Variants in AJAP1 observed in about 807,000 individuals in gnomAD.
AJAP1 encodes adherens junction-associated protein 1.
AJAP1 carries 5 observed loss-of-function variants against 35.0 expected under a neutral mutation model. That is an observed-to-expected ratio of 0.14 (90% CI 0.07 to 0.30). AJAP1 has a LOEUF of 0.30. Among genes scored for constraint, AJAP1 ranks in the 10% least tolerant of loss-of-function variants. AJAP1 has a pLI of 1.00. For missense variants in AJAP1, 586 were observed against 571.0 expected (o/e 1.03, Z -0.27); for synonymous variants, 284 against 249.3 (o/e 1.14, Z -1.31).
At chr1:4,717,043 G>C (rs1640408668) in intron 2 of AJAP1, among the ~76,000 whole-genome samples, 1 of 152,222 alleles carries the variant, frequency 6.6e-6, no homozygotes, top group South Asian at 2.1e-4. Flanking sequence ...CTTGAGGTTG[G>C]GGAGGAGGCT....
At chr1:4,758,400 A>G (rs1267500421) in intron 2 of AJAP1, among the ~76,000 whole-genome samples, 1 of 152,204 alleles carries the variant, frequency 6.6e-6, no homozygotes, top group Non-Finnish European at 1.5e-5. Flanking sequence ...TCATCAACTC[A>G]CAGTTCTGCA....
chr1:4,681,826 C>T (rs745806944), intron 1 of AJAP1, among the ~76,000 whole-genome samples: 5 of 152,220 alleles, frequency 3.3e-5, no homozygotes, highest in South Asian at 2.1e-4. Context: ...TGAACTTGGG[C>T]GATTCACTCA....
chr1:4,786,886 G>T lies in AJAP1; in HGVS notation c.*4401G>T, dbSNP rs1044024830. 6.6e-6 allele frequency: 1 copy of T among 152,184 alleles called. No individual in the cohort carries two copies. The highest frequency in any genetic ancestry group is 1.5e-5 in the Non-Finnish European group (1 of 68,046). The allele number at this position is 152,184 out of a possible 1,614,324, so 9.4% of individuals were successfully genotyped here. On this transcript the variant is annotated 3_prime_UTR_variant, in exon 6 of 6. Coordinates refer to ENST00000378191, the MANE Select transcript of AJAP1 (RefSeq NM_018836.4). ...CACCATCACCCTCTTTCATCAAGGT[G>T]ATCTCTTTCATCAGGGCATATATGA...
intron 2 of AJAP1, 49 bp from the exon 3 acceptor site, chr1:4,769,804 C>T (rs1188914149): frequency 6.5e-7 from 1 of 1,541,172 alleles, no homozygotes. Context: ...CCCCTCGCCT[C>T]CTGAACCTGG....
In AJAP1 at chr1:4,655,590, G is replaced by A; in HGVS notation, c.29+136G>A. 8.9e-7 allele frequency: 1 copy of A among 1,127,888 alleles called. No individual in the cohort carries two copies. The highest frequency in any genetic ancestry group is 1.8e-5 in the South Asian group (1 of 55,184). 69.9% of individuals were successfully genotyped at this position (1,127,888 alleles called of 1,614,324 possible). ...AAGCGGGCAACGGGGTGCACCGGTA[G>A]CCGGAAAGGGGCGCCCGCCCGGAGC... On this transcript the variant is annotated intron_variant, in intron 1 of 5. Transcript: ENST00000378191. The surrounding 1 kb of genome is among the most constrained non-coding windows in gnomAD (Gnocchi z 6.9).
rs76364461 is a variant in AJAP1, at chr1:4,692,134, C to T, written c.30-19766C>T. Among the ~76,000 whole-genome samples, 15 of 152,258 alleles carry T rather than the reference C, an allele frequency of 9.9e-5. No individual in the cohort carries two copies. In the East Asian group the frequency reaches 1.9e-3, roughly 20 times the overall value. ...CTGCGTGGATCTATTATCTCTGCAT[C>T]GTTGCCGCCTTCTCGAGGGTTAGGA... On this transcript the variant is annotated intron_variant, in intron 1 of 5. Coordinates refer to ENST00000378191, the MANE Select transcript of AJAP1 (RefSeq NM_018836.4). This position sits in a 1 kb window ranked among gnomAD's most constrained non-coding sequence, Gnocchi z 4.4.
intron 1 of AJAP1, among the ~76,000 whole-genome samples, chr1:4,696,676 T>C (rs982041163): frequency 9.2e-5 from 14 of 152,232 alleles, no homozygotes; most frequent in African/African-American, 1.4e-4. Context: ...GTGATTGTTG[T>C]GTGTGCATGT....
intron 1 of AJAP1, among the ~76,000 whole-genome samples, chr1:4,710,007 C>T (rs950583600): frequency 6.6e-6 from 1 of 152,086 alleles, no homozygotes; most frequent in Non-Finnish European, 1.5e-5. Context: ...CCCAGGGATG[C>T]GTTCACACAC....
At chr1:4,759,170 G>A (rs142333624) in intron 2 of AJAP1, among the ~76,000 whole-genome samples, 26 of 152,238 alleles carry the variant, frequency 1.7e-4, no homozygotes, top group African/African-American at 5.5e-4. Context: ...CCTCCTTCTC[G>A]TGTGTTGACT....
At chr1:4,713,635 C>T (rs531577449) in intron 2 of AJAP1, among the ~76,000 whole-genome samples, 1 of 152,358 alleles carries the variant, frequency 6.6e-6, no homozygotes, top group Non-Finnish European at 1.5e-5. Context: ...TCACCCTCAC[C>T]TCCCTCCAGT....
chr1:4,710,800 C>G (rs1475224224), intron 1 of AJAP1, among the ~76,000 whole-genome samples: 1 of 152,280 alleles, frequency 6.6e-6, no homozygotes, highest in Non-Finnish European at 1.5e-5. Flanking sequence ...GGCCTGGCTC[C>G]TCTGAGCCCT....
intron 1 of AJAP1, among the ~76,000 whole-genome samples, chr1:4,699,357 C>T (rs1374680248): frequency 1.3e-5 from 2 of 152,220 alleles, no homozygotes; most frequent in African/African-American, 4.8e-5. Context: ...TGTTCTCCTC[C>T]CATCCTTGGT....
In AJAP1 at chr1:4,741,829, A is replaced by G. The variant is rs534310956; in HGVS notation, c.830-28024A>G. 6.6e-5 allele frequency among the ~76,000 whole-genome samples: 10 copies of G among 152,336 alleles called. No homozygotes were observed. The South Asian group carries it at 1.0e-3, about 16-fold the overall frequency. On this transcript the variant is annotated intron_variant, in intron 2 of 5. Transcript: ENST00000378191. Reference sequence around the variant, plus strand: ...AGTCAAGTCTGGAATATCTTGTTCCAGAAAGTAAGAAAGTACTCACGGAAT... The same window carrying G: ...AGTCAAGTCTGGAATATCTTGTTCCGGAAAGTAAGAAAGTACTCACGGAAT...
At chr1:4,727,298 G>A (rs1184867987) in intron 2 of AJAP1, among the ~76,000 whole-genome samples, 3 of 152,202 alleles carry the variant, frequency 2.0e-5, no homozygotes, top group Non-Finnish European at 4.4e-5. Context: ...GGATCCCAGG[G>A]AGTGTGGAGG....
chr1:4,766,193 T>G (rs1641679857), intron 2 of AJAP1, among the ~76,000 whole-genome samples: 1 of 150,544 alleles, frequency 6.6e-6, no homozygotes, highest in South Asian at 2.2e-4. Flanking sequence ...CCCATTTGCT[T>G]CTTTGCCCAT....
chr1:4,754,370 A>C (rs926851944), intron 2 of AJAP1, among the ~76,000 whole-genome samples: 10 of 152,154 alleles, frequency 6.6e-5, no homozygotes, highest in African/African-American at 1.9e-4. Context: ...TTGCAGGAAA[A>C]GTTTGCCAAT....
chr1:4,766,989 A>G (rs1641699329), intron 2 of AJAP1, among the ~76,000 whole-genome samples: 1 of 152,106 alleles, frequency 6.6e-6, no homozygotes, highest in South Asian at 2.1e-4. Flanking sequence ...CGTGTGTGTG[A>G]CTGCCCAGAC....
In AJAP1 at chr1:4,656,100, C is replaced by A. The variant is rs1214714415; in HGVS notation, c.29+646C>A. On this transcript the variant is annotated intron_variant, in intron 1 of 5. Coordinates refer to ENST00000378191, the MANE Select transcript of AJAP1 (RefSeq NM_018836.4). The surrounding 1 kb of genome is among the most constrained non-coding windows in gnomAD (Gnocchi z 5.7). Reference sequence around the variant, plus strand: ...TTCTTGGGGAGCTCCGGCGGCCACCCCGCTGTAAACACACACGCACATACG... The same window carrying A: ...TTCTTGGGGAGCTCCGGCGGCCACCACGCTGTAAACACACACGCACATACG... Among the ~76,000 whole-genome samples, 1 of 151,960 alleles carries A rather than the reference C, an allele frequency of 6.6e-6. No homozygotes were observed. Among genetic ancestry groups the A allele is most frequent in the Non-Finnish European group, 1.5e-5 (1 of 67,932 alleles).
intron 1 of AJAP1, among the ~76,000 whole-genome samples, chr1:4,705,462 T>G (rs911103458): frequency 7.3e-6 from 1 of 137,106 alleles, no homozygotes; most frequent in Admixed American, 7.7e-5. Context: ...AGAATGTGCA[T>G]TGTGCTTAGT....
Sources: gnomAD v4.1 joint callset for allele counts (sites outside exome capture counted in the v4.1 genomes callset) on GRCh38, gnomAD v4.1.1 for gene constraint, Gnocchi (gnomAD v3.1) non-coding constraint, MANE v1.5 for transcripts, NCBI Gene and HGNC (gene_info 2026-07-23, HGNC 2026-07-21) for gene names.